SOBP: variants seen among roughly 807,000 people sequenced by gnomAD.
SOBP encodes sine oculis binding protein homolog.
In SOBP, 4 loss-of-function variants were observed where a neutral mutation model predicts 53.6. That is an observed-to-expected ratio of 0.07 (90% CI 0.04 to 0.17). The LOEUF (loss-of-function observed/expected upper bound fraction) is 0.17. SOBP is among the 10% of genes least tolerant of loss of function. The probability of loss-of-function intolerance (pLI) is 1.00; values close to 1 mark genes in which losing one functional copy is unlikely to be tolerated. For missense variants in SOBP, 1,088 were observed against 1,204.7 expected, an observed-to-expected ratio of 0.90 and a Z score of 1.43; for synonymous variants, 584 against 522.6, an observed-to-expected ratio of 1.12 and a Z score of -1.60.
chr6:107,519,465 G>A (rs1326477688), intron 3 of SOBP, among the ~76,000 whole-genome samples: 2 of 152,184 alleles, frequency 1.3e-5, no homozygotes, highest in Non-Finnish European at 2.9e-5. Context: ...CATGATTGCT[G>A]TAACACTTTG....
At chr6:107,614,381 T>C (rs142442946) in intron 5 of SOBP, among the ~76,000 whole-genome samples, 25 of 152,066 alleles carry the variant, frequency 1.6e-4, no homozygotes, top group African/African-American at 5.8e-4. Context: ...AAAATATATA[T>C]ATGAAAGGAC....
At chr6:107,597,439 A>G (rs539617367) in intron 5 of SOBP, among the ~76,000 whole-genome samples, 39 of 152,324 alleles carry the variant, frequency 2.6e-4, no homozygotes, top group African/African-American at 9.1e-4. Flanking sequence ...TTACATAGCT[A>G]CCATATAAAA....
intron 3 of SOBP, among the ~76,000 whole-genome samples, chr6:107,506,705 G>A (rs749670321): frequency 1.3e-5 from 2 of 151,866 alleles, no homozygotes; most frequent in Non-Finnish European, 2.9e-5. Context: ...GAAATCACCT[G>A]TTTAAATGAG....
intron 6 of SOBP, among the ~76,000 whole-genome samples, chr6:107,652,855 AT>A (rs34926539): frequency 0.1 from 14,949 of 148,250 alleles, 1,965 homozygotes; most frequent in African/African-American, 0.3. Context: ...GATTGTTAGC[AT>A]TTTTTTTTTT....
At chr6:107,545,317 G>T (rs1186587199) in intron 4 of SOBP, among the ~76,000 whole-genome samples, 1 of 152,148 alleles carries the variant, frequency 6.6e-6, no homozygotes, top group Non-Finnish European at 1.5e-5. Flanking sequence ...GAAACTTTGG[G>T]TAATGATGAA....
intron 5 of SOBP, among the ~76,000 whole-genome samples, chr6:107,623,379 C>T (rs1770304252): frequency 6.6e-6 from 1 of 152,110 alleles, no homozygotes; most frequent in Non-Finnish European, 1.5e-5. Flanking sequence ...TAGAGCAAGT[C>T]ATGTAATATT....
intron 5 of SOBP, among the ~76,000 whole-genome samples, chr6:107,600,592 G>C (rs529179857): frequency 2.0e-5 from 3 of 152,082 alleles, no homozygotes; most frequent in Non-Finnish European, 4.4e-5. Context: ...TCTATTGCAA[G>C]AAAGAAATGA....
chr6:107,650,379 C>T (rs922515600), intron 6 of SOBP, among the ~76,000 whole-genome samples: 3 of 152,196 alleles, frequency 2.0e-5, no homozygotes, highest in Admixed American at 6.5e-5. Context: ...TATCATGCTT[C>T]GCTTTATTAC....
intron 5 of SOBP, among the ~76,000 whole-genome samples, chr6:107,592,735 A>G (rs144185820): frequency 1.4e-4 from 21 of 152,252 alleles, no homozygotes; most frequent in African/African-American, 4.3e-4. Flanking sequence ...ATAACCAGAA[A>G]ATCCCAGGGG....
At chr6:107,656,287 A>AAAAGAAAG (rs1184787226) in intron 6 of SOBP, among the ~76,000 whole-genome samples, 76 of 124,350 alleles carry the variant, frequency 6.1e-4, no homozygotes, top group South Asian at 1.6e-3. Context: ...AGAAAGAAAG[A>AAAAGAAAG]AAAGAAAGAA....
chr6:107,526,051 G>A (rs1783651467), intron 3 of SOBP, among the ~76,000 whole-genome samples: 1 of 151,928 alleles, frequency 6.6e-6, no homozygotes, highest in South Asian at 2.1e-4. Flanking sequence ...AGGTTCAAGC[G>A]ATTCTCCTGC....
chr6:107,528,168 T>C (rs1425710293), intron 3 of SOBP, among the ~76,000 whole-genome samples: 1 of 152,236 alleles, frequency 6.6e-6, no homozygotes, highest in African/African-American at 2.4e-5. Flanking sequence ...CAAGTATATA[T>C]TGAGCCTCCT....
At chr6:107,648,353 A>T (rs971659354) in intron 6 of SOBP, among the ~76,000 whole-genome samples, 1 of 152,004 alleles carries the variant, frequency 6.6e-6, no homozygotes, top group Non-Finnish European at 1.5e-5. Context: ...CCCTTGAATG[A>T]GTCTCTAAAT....
Position 107,610,304 on chromosome 6 carries a change from G to A in SOBP, c.669+23129G>A, listed in dbSNP as rs575645458. ...CAGAACTGGCTGTCTTCCTTTCTGG[G>A]GACCTCTCTGGACTGTCTCCTGTAA... is the stretch of plus-strand genomic sequence containing the variant. On this transcript the variant is annotated intron_variant, in intron 5 of 6. Transcript: ENST00000317357. 1.8e-4 allele frequency among the ~76,000 whole-genome samples: 27 copies of A among 152,260 alleles called. 1 individual carries two copies. In the South Asian group the frequency reaches 5.6e-3, roughly 32 times the overall value.
chr6:107,624,527 T>C (rs1360623263), intron 5 of SOBP, among the ~76,000 whole-genome samples: 2 of 152,264 alleles, frequency 1.3e-5, no homozygotes, highest in East Asian at 1.9e-4. Flanking sequence ...TGGCAAACAG[T>C]AGGTAGAAGT....
At chr6:107,626,577 T>G (rs921131116) in intron 5 of SOBP, among the ~76,000 whole-genome samples, 8 of 152,224 alleles carry the variant, frequency 5.3e-5, no homozygotes, top group African/African-American at 1.9e-4. Flanking sequence ...TGTCCCAGGT[T>G]CCTAGCACAG....
In SOBP at chr6:107,645,610, C is replaced by T. The variant is rs141354428; in HGVS notation, c.*3+10141C>T. On this transcript the variant is annotated intron_variant, in intron 6 of 6. Transcript: ENST00000317357. ...ATGTGACACTGCAGACAGTAGGCTT[C>T]GCAAGAGCAGGGACCGGGTCCAGTT... Among the ~76,000 whole-genome samples, 24 of 152,072 alleles carry T rather than the reference C, an allele frequency of 1.6e-4. No homozygotes were observed. In the East Asian group the frequency reaches 2.9e-3, roughly 18 times the overall value.
chr6:107,648,142 T>C (rs1356759605), intron 6 of SOBP, among the ~76,000 whole-genome samples: 1 of 152,210 alleles, frequency 6.6e-6, no homozygotes, highest in Non-Finnish European at 1.5e-5. Context: ...ACTTGCCACA[T>C]GAAGCTGCTT....
chr6:107,643,634 T>A (rs571456479), intron 6 of SOBP, among the ~76,000 whole-genome samples: 2 of 152,256 alleles, frequency 1.3e-5, no homozygotes, highest in East Asian at 1.9e-4. Context: ...TTGGCTAGGA[T>A]GGTCTCCATC....
Sources: allele counts gnomAD v4.1 joint callset (sites outside exome capture counted in the v4.1 genomes callset), GRCh38; gene constraint gnomAD v4.1.1; transcripts MANE v1.5; gene names NCBI Gene and HGNC (gene_info 2026-07-23, HGNC 2026-07-21).